PADI1: variants seen among roughly 807,000 people sequenced by gnomAD.
The protein encoded by PADI1 is peptidyl arginine deiminase 1.
A neutral mutation model predicts 74.8 loss-of-function variants in PADI1; 65 were observed. The ratio of observed to expected loss-of-function variants is 0.87; its 90% CI spans 0.71 to 1.07. The LOEUF (loss-of-function observed/expected upper bound fraction) is 1.07, where lower values mean the gene tolerates loss of function less well. Among genes scored for constraint, PADI1 ranks in the 50% least tolerant of loss-of-function variants. The pLI is 0.00. For missense variants in PADI1, 943 were observed against 854.0 expected (o/e 1.10, Z -1.30); for synonymous variants, 371 against 336.2 (o/e 1.10, Z -1.13).
chr1:17,219,911 A>C (rs2072089361), intron 1 of PADI1, among the ~76,000 whole-genome samples: 1 of 152,132 alleles, frequency 6.6e-6, no homozygotes, highest in Middle Eastern at 3.4e-3. Context: ...AAGATCAAGG[A>C]AACTGTCCAG....
intron 10 of PADI1, 126 bp downstream of exon 10, chr1:17,230,805 G>C: frequency 1.6e-6 from 1 of 633,088 alleles, no homozygotes; most frequent in Non-Finnish European, 2.8e-6. Context: ...AAGGATACAG[G>C]AGGTGGGATG....
chr1:17,212,309 AC>A (rs1175223632), intron 1 of PADI1, among the ~76,000 whole-genome samples: 2 of 152,176 alleles, frequency 1.3e-5, no homozygotes, highest in Non-Finnish European at 2.9e-5. Context: ...CAGGGGAGCC[AC>A]AGGCTCAGCC....
chr1:17,230,104 T>G lies in PADI1; in HGVS notation c.949T>G (p.Ser317Ala). 6.2e-7 allele frequency: 1 copy of G among 1,613,922 alleles called. No individual in the cohort carries two copies. Residue 317 changes from serine (S) to alanine (A), a missense_variant, in exon 9 of 16, where the codon TCC (serine) becomes GCC (alanine). Physicochemically the swap from Ser to Ala is moderately conservative, Grantham distance 99 (BLOSUM62 1). Transcript: ENST00000375471. ...TTACAGAGTGATGGACACTCATGGC[T>G]CCAATGAGAAATTCCTGGAGGACAT... ...YVCRVMDTHG[S>A]NEKFLEDMSY...
At chr1:17,225,760 C>T (rs2100461511) in intron 4 of PADI1, 51 bp from the exon 5 acceptor site, 6 of 1,379,346 alleles carry the variant, frequency 4.3e-6, no homozygotes, top group East Asian at 4.6e-5. Context: ...AGAACCCCTT[C>T]CTGGAGCCTC....
rs574022866 is a variant in PADI1 at position 17,226,719 on chromosome 1, G to A, written c.652+561G>A. Reference sequence around the variant, plus strand: ...ACCTGAGGTCAGGAGTTTGAGAGCAGCCTGGCCAACACAGTGAAACCCTGT... The same window carrying A: ...ACCTGAGGTCAGGAGTTTGAGAGCAACCTGGCCAACACAGTGAAACCCTGT... On this transcript the variant is annotated intron_variant, in intron 6 of 15. Coordinates refer to ENST00000375471, the MANE Select transcript of PADI1 (RefSeq NM_013358.3). 1.2e-4 allele frequency among the ~76,000 whole-genome samples: 18 copies of A among 152,284 alleles called. No individual in the cohort carries two copies. The South Asian group carries it at 3.7e-3, about 32-fold the overall frequency.
At chr1:17,208,123 G>A (rs1445315416) in intron 1 of PADI1, among the ~76,000 whole-genome samples, 2 of 152,192 alleles carry the variant, frequency 1.3e-5, no homozygotes, top group Non-Finnish European at 2.9e-5. Context: ...TTTCTAGTTG[G>A]CCTTACTGGT....
chr1:17,210,711 C>A (rs1228051662), intron 1 of PADI1, among the ~76,000 whole-genome samples: 1 of 152,200 alleles, frequency 6.6e-6, no homozygotes, highest in South Asian at 2.1e-4. Flanking sequence ...AATGCCTGAG[C>A]CTGCTGAGGG....
chr1:17,205,782 T>A (rs539160749), intron 1 of PADI1, among the ~76,000 whole-genome samples: 1 of 152,168 alleles, frequency 6.6e-6, no homozygotes, highest in South Asian at 2.1e-4. Context: ...TTGATTCCAA[T>A]CAGGAGGGAG....
Position 17,244,338 on chromosome 1 carries a change from G to A in PADI1, c.*95G>A. 3.2e-6 allele frequency: 3 copies of A among 930,202 alleles called. No individual in the cohort carries two copies. Among genetic ancestry groups the A allele is most frequent in the African/African-American group, 1.6e-5 (1 of 61,668 alleles). The allele number at this position is 930,202 out of a possible 1,614,324, so 57.6% of individuals were successfully genotyped here. On this transcript the variant is annotated 3_prime_UTR_variant, in exon 16 of 16. Coordinates refer to ENST00000375471, the MANE Select transcript of PADI1 (RefSeq NM_013358.3). ...ACCACCTGGCCTCCATTCTCTTGGGGGAGTCTTGGCACTTTGCAAACATCC... is the reference window on the plus strand; with the variant it reads ...ACCACCTGGCCTCCATTCTCTTGGGAGAGTCTTGGCACTTTGCAAACATCC...
chr1:17,239,555 G>A, intron 13 of PADI1, 149 bp from the exon 14 acceptor site: 1 of 640,794 alleles, frequency 1.6e-6, no homozygotes, highest in Admixed American at 2.5e-5. Context: ...TCCCTTCAGG[G>A]GTTCTCAGTC....
At chr1:17,207,052 A>T (rs1199552824) in intron 1 of PADI1, among the ~76,000 whole-genome samples, 1 of 152,128 alleles carries the variant, frequency 6.6e-6, no homozygotes, top group Non-Finnish European at 1.5e-5. Flanking sequence ...GAGTAGGAAA[A>T]GGGTCCCTTG....
chr1:17,244,144 T>A lies in PADI1; in HGVS notation c.1893T>A (p.Asp631Glu), dbSNP rs1396236742. ...TGGGCCTGCACTGCATCTTCATTGATGACTACTTGTCCTACCACGAGCTGC... is the reference window on the plus strand; with the variant it reads ...TGGGCCTGCACTGCATCTTCATTGAAGACTACTTGTCCTACCACGAGCTGC... Reference protein sequence around the residue: ...EPLGLHCIFIDDYLSYHELQG... With the variant: ...EPLGLHCIFIEDYLSYHELQG... Residue 631 changes from aspartate to glutamate, a missense_variant, in exon 16 of 16, where the codon GAT becomes GAA. Transcript: ENST00000375471. 1.2e-6 allele frequency: 2 copies of A among 1,614,240 alleles called. No homozygotes were observed. Among genetic ancestry groups the A allele is most frequent in the South Asian group, 2.2e-5 (2 of 91,084 alleles).
At chr1:17,224,449 C>A in intron 4 of PADI1, 21 bp downstream of exon 4, 1 of 1,604,994 alleles carries the variant, frequency 6.2e-7, no homozygotes, top group South Asian at 1.1e-5. Context: ...TCCGGGCACC[C>A]CAAGGCTGCG....
At chr1:17,237,019 C>A (rs2072659470) in intron 11 of PADI1, among the ~76,000 whole-genome samples, 1 of 152,160 alleles carries the variant, frequency 6.6e-6, no homozygotes, top group South Asian at 2.1e-4. Flanking sequence ...CTTGGCCGAG[C>A]ACGCTTCAGA....
intron 11 of PADI1, among the ~76,000 whole-genome samples, chr1:17,234,291 G>A (rs776230591): frequency 2.6e-5 from 4 of 152,208 alleles, no homozygotes; most frequent in Non-Finnish European, 5.9e-5. Context: ...TTTTAAATGA[G>A]CAAATTATTT....
At chr1:17,233,023 C>T (rs994794114) in intron 11 of PADI1, 53 bp downstream of exon 11, 9 of 1,465,766 alleles carry the variant, frequency 6.1e-6, no homozygotes, top group Non-Finnish European at 4.6e-6. Context: ...CTGCAGCATC[C>T]ACCCTCCCTG....
rs865903812 is a variant in PADI1, at chr1:17,225,880, A to G, written c.478A>G (p.Arg160Gly). ...GGTGAACTGTGACCGGGACAATCAC[A>G]GGTCCGCAGAGCCTGACCTCACCCA... ...LLVNCDRDNH[R>G]SAEPDLTHSW... Residue 160 changes from arginine to glycine, a missense_variant, in exon 5 of 16, where the codon AGG becomes GGG. Arg to Gly is a moderately radical substitution (Grantham distance 125). Coordinates refer to ENST00000375471, the MANE Select transcript of PADI1 (RefSeq NM_013358.3). 6.2e-7 allele frequency: 1 copy of G among 1,614,072 alleles called. No individual in the cohort carries two copies.
intron 8 of PADI1, 74 bp downstream of exon 8, chr1:17,229,125 C>A: frequency 3.4e-6 from 3 of 893,774 alleles, no homozygotes; most frequent in African/African-American, 3.3e-5. Context: ...CTCAGGGCTG[C>A]GCCCCTCACT....
intron 7 of PADI1, 56 bp from the exon 8 acceptor site, chr1:17,228,892 C>T: frequency 6.3e-7 from 1 of 1,578,196 alleles, no homozygotes; most frequent in Non-Finnish European, 8.7e-7. Flanking sequence ...GCTGGGGGGG[C>T]TTGAGGCAGG....
Sources: gnomAD v4.1 joint callset for allele counts (sites outside exome capture counted in the v4.1 genomes callset) on GRCh38, gnomAD v4.1.1 for gene constraint, MANE v1.5 for transcripts, NCBI Gene and HGNC (gene_info 2026-07-23, HGNC 2026-07-21) for gene names.